Variants in FHIT observed in about 807,000 individuals in gnomAD.
FHIT encodes the protein bis(5'-adenosyl)-triphosphatase.
FHIT carries 19 observed loss-of-function variants against 17.9 expected under a neutral mutation model. The ratio of observed to expected loss-of-function variants is 1.06; its 90% CI spans 0.74 to 1.56. The LOEUF (loss-of-function observed/expected upper bound fraction) is 1.56. Among genes scored for constraint, FHIT ranks in the 40% most tolerant of loss-of-function variants. The pLI is 0.00. For synonymous variants in FHIT, 81 were observed against 69.7 expected, an observed-to-expected ratio of 1.16 and a Z score of -0.81; for missense variants, 248 against 189.2, an observed-to-expected ratio of 1.31 and a Z score of -1.82.
At chr3:60,042,673 G>A (rs1014077491) in intron 5 of FHIT, among the ~76,000 whole-genome samples, 1 of 151,970 alleles carries the variant, frequency 6.6e-6, no homozygotes, top group Non-Finnish European at 1.5e-5. Flanking sequence ...CTCTGTAAAG[G>A]CCGTCTCCAG....
chr3:60,347,360 ACAGT>A (rs1710832790), intron 5 of FHIT, among the ~76,000 whole-genome samples: 1 of 152,198 alleles, frequency 6.6e-6, no homozygotes, highest in Non-Finnish European at 1.5e-5. Flanking sequence ...GTTTCAACAG[ACAGT>A]AAGTTGTCTG....
chr3:60,014,443 G>A (rs747541938), intron 5 of FHIT, among the ~76,000 whole-genome samples: 12 of 152,182 alleles, frequency 7.9e-5, no homozygotes, highest in Admixed American at 3.9e-4. Context: ...ATAATTATGC[G>A]AGGAGGCAAG....
chr3:60,060,350 T>A (rs572278052), intron 5 of FHIT, among the ~76,000 whole-genome samples: 4 of 152,202 alleles, frequency 2.6e-5, no homozygotes, highest in Non-Finnish European at 5.9e-5. Flanking sequence ...GGGGACTAAC[T>A]AAGGATCACT....
chr3:60,710,730 G>A (rs1490378858), intron 4 of FHIT, among the ~76,000 whole-genome samples: 2 of 152,192 alleles, frequency 1.3e-5, no homozygotes, highest in South Asian at 2.1e-4. Context: ...AGGGGCGACC[G>A]CCATTGCCCA....
At chr3:60,655,133 G>A (rs72872772) in intron 4 of FHIT, among the ~76,000 whole-genome samples, 1,703 of 152,236 alleles carry the variant, frequency 0.011, 42 homozygotes, top group African/African-American at 0.039. Flanking sequence ...AAGAAAATCA[G>A]TAGATAACAT....
intron 4 of FHIT, among the ~76,000 whole-genome samples, chr3:60,709,698 G>C (rs1172620070): frequency 6.6e-6 from 1 of 152,060 alleles, no homozygotes; most frequent in African/African-American, 2.4e-5. Flanking sequence ...TATCATCATT[G>C]ACCTTTTATT....
At chr3:60,290,286 A>G (rs1027478780) in intron 5 of FHIT, among the ~76,000 whole-genome samples, 9 of 152,174 alleles carry the variant, frequency 5.9e-5, no homozygotes, top group Non-Finnish European at 1.0e-4. Flanking sequence ...ACCTCCTGCT[A>G]TTCACACCCT....
chr3:60,594,029 G>T (rs1393130570), intron 4 of FHIT, among the ~76,000 whole-genome samples: 1 of 152,096 alleles, frequency 6.6e-6, no homozygotes, highest in Admixed American at 6.6e-5. Context: ...AGCCAGAGCT[G>T]CGTTGAGAAC....
intron 5 of FHIT, among the ~76,000 whole-genome samples, chr3:60,129,931 T>A (rs1278398610): frequency 1.3e-5 from 2 of 152,148 alleles, no homozygotes; most frequent in Non-Finnish European, 2.9e-5. Flanking sequence ...ACTGTGTCTG[T>A]TTTTGTGCCC....
At chr3:60,951,606 GCTTAACCCA>G (rs1224863718) in intron 3 of FHIT, among the ~76,000 whole-genome samples, 2 of 152,202 alleles carry the variant, frequency 1.3e-5, no homozygotes, top group Non-Finnish European at 2.9e-5. Context: ...CCTATCATAT[GCTTAACCCA>G]CTTACCATTT....
intron 5 of FHIT, among the ~76,000 whole-genome samples, chr3:60,127,915 G>C (rs978983700): frequency 2.0e-5 from 3 of 152,140 alleles, no homozygotes; most frequent in African/African-American, 7.2e-5. Flanking sequence ...ACAGTCATGA[G>C]CCATCTCATG....
At chr3:60,802,417 C>T (rs1165443528) in intron 4 of FHIT, among the ~76,000 whole-genome samples, 1 of 152,156 alleles carries the variant, frequency 6.6e-6, no homozygotes, top group Non-Finnish European at 1.5e-5. Flanking sequence ...TTAAAGGCTC[C>T]ATGGGCTCAT....
chr3:60,614,149 A>G (rs2038869696), intron 4 of FHIT, among the ~76,000 whole-genome samples: 1 of 152,146 alleles, frequency 6.6e-6, no homozygotes, highest in East Asian at 1.9e-4. Flanking sequence ...GCCCACTGAG[A>G]ATGAGAGTAA....
chr3:61,244,812 C>T (rs560763488), intron 1 of FHIT, among the ~76,000 whole-genome samples: 145 of 152,304 alleles, frequency 9.5e-4, no homozygotes, highest in African/African-American at 3.4e-3. Flanking sequence ...CTATGTACTT[C>T]TTCATCAAAT....
At chr3:60,173,915 A>ATATATATATATAT in intron 5 of FHIT, among the ~76,000 whole-genome samples, 1 of 66,438 alleles carries the variant, frequency 1.5e-5, no homozygotes, top group Non-Finnish European at 2.8e-5. Flanking sequence ...ATATATATAT[A>ATATATATATATAT]TGTTTTTTTT....
At chr3:60,737,865 C>T (rs781877790) in intron 4 of FHIT, among the ~76,000 whole-genome samples, 1 of 152,110 alleles carries the variant, frequency 6.6e-6, no homozygotes. Flanking sequence ...TTGATTTTCC[C>T]CTAACCTAAC....
intron 5 of FHIT, among the ~76,000 whole-genome samples, chr3:60,030,440 A>G (rs9816955): frequency 0.3 from 46,266 of 152,044 alleles, 7,236 homozygotes; most frequent in East Asian, 0.48. Flanking sequence ...AGACCAGCAT[A>G]TGGAGCCCAG....
intron 5 of FHIT, among the ~76,000 whole-genome samples, chr3:60,461,979 C>T (rs1487733288): frequency 1.3e-5 from 2 of 152,176 alleles, no homozygotes; most frequent in Admixed American, 6.5e-5. Flanking sequence ...AATCCTATGA[C>T]AGACTACCGG....
At chr3:60,056,448 G>C (rs577380140) in intron 5 of FHIT, among the ~76,000 whole-genome samples, 1 of 152,198 alleles carries the variant, frequency 6.6e-6, no homozygotes, top group African/African-American at 2.4e-5. Flanking sequence ...TTTGCAGTAA[G>C]TTTTGTAAGA....
Sources: gnomAD v4.1 joint callset for allele counts (sites outside exome capture counted in the v4.1 genomes callset) on GRCh38, gnomAD v4.1.1 for gene constraint, MANE v1.5 for transcripts, NCBI Gene and HGNC (gene_info 2026-07-23, HGNC 2026-07-21) for gene names.